The following PPP2R5C variants were observed in gnomAD, a reference collection of about 807,000 sequenced individuals.
The protein encoded by PPP2R5C is serine/threonine-protein phosphatase 2A 56 kDa regulatory subunit gamma isoform.
Under a neutral mutation model 68.9 loss-of-function variants are expected in PPP2R5C, and 7 were observed. That is an observed-to-expected ratio of 0.10 (90% confidence interval 0.06 to 0.19). The LOEUF (loss-of-function observed/expected upper bound fraction) is 0.19. Ranked by LOEUF, PPP2R5C falls within the 10% of genes least tolerant of loss-of-function variation. The pLI is 1.00. For synonymous variants in PPP2R5C, 210 were observed against 222.2 expected (o/e 0.95, Z 0.49); for missense variants, 348 against 641.3 (o/e 0.54, Z 4.94).
intron 3 of PPP2R5C, among the ~76,000 whole-genome samples, chr14:101,793,334 A>C (rs1268187585): frequency 6.6e-6 from 1 of 152,212 alleles, no homozygotes; most frequent in African/African-American, 2.4e-5. Context: ...TGAATCGTAC[A>C]TTCATATTGA....
chr14:101,870,417 A>G (rs2043329005), intron 2 of PPP2R5C, among the ~76,000 whole-genome samples: 1 of 152,168 alleles, frequency 6.6e-6, no homozygotes, highest in African/African-American at 2.4e-5. Flanking sequence ...GAAAAGACTG[A>G]TGAATATCCA....
At chr14:101,761,469 G>T (rs909754051), upstream of PPP2R5C, among the ~76,000 whole-genome samples, 4 of 149,588 alleles carry the variant, frequency 2.7e-5, no homozygotes, top group African/African-American at 1.0e-4. Flanking sequence ...GACGGAGGGC[G>T]GGGGCGTGAA....
rs528419070 is a variant in PPP2R5C at position 101,800,935 on chromosome 14, C to G, written c.259+14752C>G. Among the ~76,000 whole-genome samples the G allele has an allele frequency of 2.0e-5, 3 of 152,184 alleles. No homozygotes were observed. The South Asian group carries it at 6.2e-4, about 32-fold the overall frequency. The stretch of plus-strand genomic sequence containing the variant: ...TCATTTGCAGCAACATGGATGGAAC[C>G]AGAGGTGATTGTGTTACGTGAAATA... On this transcript the variant is annotated intron_variant, in intron 3 of 14. Coordinates refer to the PPP2R5C transcript ENST00000328724.
intron 3 of PPP2R5C, among the ~76,000 whole-genome samples, chr14:101,804,258 G>A (rs1445648199): frequency 6.6e-6 from 1 of 152,140 alleles, no homozygotes; most frequent in African/African-American, 2.4e-5. Context: ...GGGAACCCTC[G>A]TACACTGTTG....
At chr14:101,764,038 C>T (rs534434991) in intron 2 of PPP2R5C, among the ~76,000 whole-genome samples, 75 of 152,048 alleles carry the variant, frequency 4.9e-4, no homozygotes, top group African/African-American at 1.6e-3. Context: ...TGGGCGCGCG[C>T]ACTTGCGCGT....
rs539721744 is a variant in PPP2R5C, at chr14:101,835,127, A to G, written c.95-21559A>G. 2.0e-5 allele frequency among the ~76,000 whole-genome samples: 3 copies of G among 152,108 alleles called. No individual in the cohort carries two copies. The highest frequency in any genetic ancestry group is 4.4e-5 in the Non-Finnish European group (3 of 68,026). On this transcript the variant is annotated intron_variant, in intron 1 of 13. Coordinates refer to ENST00000334743, the Ensembl canonical transcript of PPP2R5C. The surrounding 1 kb of genome is among the most constrained non-coding windows in gnomAD (Gnocchi z 5.0). ...CTGATTCCAGCACAGCCGACTGTCC[A>G]GCAACCCCAGAATTGGTAGGCTGGA...
intron 1 of PPP2R5C, among the ~76,000 whole-genome samples, chr14:101,837,843 G>A (rs117636147): frequency 0.014 from 2,184 of 152,298 alleles, 137 homozygotes; most frequent in East Asian, 0.13. Flanking sequence ...AGGAGGTGCT[G>A]TCCTCATCCG....
intron 1 of PPP2R5C, among the ~76,000 whole-genome samples, chr14:101,852,452 T>C (rs1252370512): frequency 6.6e-6 from 1 of 151,476 alleles, no homozygotes; most frequent in Non-Finnish European, 1.5e-5. Context: ...TTTTTTCTTT[T>C]TTTTCATTTT....
intron 2 of PPP2R5C, among the ~76,000 whole-genome samples, chr14:101,864,768 G>A (rs758180279): frequency 1.7e-4 from 26 of 152,154 alleles, no homozygotes; most frequent in Non-Finnish European, 2.6e-4. Flanking sequence ...TGGAGCTCCC[G>A]ATTGGGTGGG....
rs1212056622 is a variant in PPP2R5C at position 101,915,957 on chromosome 14, C to T, written c.1327-1874C>T. On this transcript the variant is annotated intron_variant, in intron 12 of 13. Coordinates refer to ENST00000334743, the Ensembl canonical transcript of PPP2R5C. This position sits in a 1 kb window ranked among gnomAD's most constrained non-coding sequence, Gnocchi z 4.2. ...ACCCAGTCAGACTTGAGGGAAGGTGCCCGCGGCAGAGGTAGAGAAAAGCAG... is the reference window on the plus strand; with the variant it reads ...ACCCAGTCAGACTTGAGGGAAGGTGTCCGCGGCAGAGGTAGAGAAAAGCAG... Among the ~76,000 whole-genome samples, 1 of 152,074 alleles carries T rather than the reference C, an allele frequency of 6.6e-6. No individual in the cohort carries two copies. Among genetic ancestry groups the T allele is most frequent in the Non-Finnish European group, 1.5e-5 (1 of 68,030 alleles).
chr14:101,884,695 T>C (rs923640468), intron 5 of PPP2R5C, among the ~76,000 whole-genome samples: 8 of 152,194 alleles, frequency 5.3e-5, no homozygotes, highest in Non-Finnish European at 1.0e-4. Context: ...ACGCCAGGGC[T>C]CTGTAGCCAG....
chr14:101,882,511 C>T lies in PPP2R5C; in HGVS notation c.405+240C>T. 1 of 370,036 alleles carries T rather than the reference C, an allele frequency of 2.7e-6. No individual in the cohort carries two copies. The highest frequency in any genetic ancestry group is 4.9e-6 in the Non-Finnish European group (1 of 205,972). 22.9% of individuals were successfully genotyped at this position (370,036 alleles called of 1,614,324 possible). A position where few individuals can be genotyped will look rare whatever the true frequency, so the allele number is the denominator to read the frequency against. On this transcript the variant is annotated intron_variant, in intron 3 of 13. Transcript: ENST00000334743. The surrounding 1 kb of genome is among the most constrained non-coding windows in gnomAD (Gnocchi z 4.9). ...GTGAGTATGTTCTCAGTGAAGATGG[C>T]CGCTGTGTTGATGGCCGTTGAATTG...
intron 1 of PPP2R5C, among the ~76,000 whole-genome samples, chr14:101,816,577 A>T (rs1337256457): frequency 6.6e-6 from 1 of 152,084 alleles, no homozygotes; most frequent in Non-Finnish European, 1.5e-5. Context: ...GTGCAGAATG[A>T]TGTTGGATGT....
intron 8 of PPP2R5C, among the ~76,000 whole-genome samples, 168 bp downstream of exon 10, chr14:101,894,728 G>C (rs543294351): frequency 6.6e-6 from 1 of 152,176 alleles, no homozygotes; most frequent in Non-Finnish European, 1.5e-5. Context: ...TCAAAGTATA[G>C]TCATTTTAAT....
upstream of PPP2R5C, chr14:101,809,858 T>C: frequency 1.3e-6 from 2 of 1,541,330 alleles, no homozygotes; most frequent in South Asian, 1.2e-5. Flanking sequence ...TGCAGAGAGC[T>C]TCAGTTTGTC....
intron 2 of PPP2R5C, among the ~76,000 whole-genome samples, chr14:101,770,078 T>TA (rs1268370073): frequency 6.6e-6 from 1 of 152,186 alleles, no homozygotes; most frequent in East Asian, 1.9e-4. Context: ...AAAGATACCA[T>TA]AAAAATATGG....
At chr14:101,865,698 G>A (rs1290829730) in intron 2 of PPP2R5C, among the ~76,000 whole-genome samples, 1 of 152,200 alleles carries the variant, frequency 6.6e-6, no homozygotes, top group Non-Finnish European at 1.5e-5. Context: ...GCCTCACAGA[G>A]CAGCTAGGAT....
At chr14:101,858,975 C>G (rs958058913) in intron 2 of PPP2R5C, among the ~76,000 whole-genome samples, 1 of 152,268 alleles carries the variant, frequency 6.6e-6, no homozygotes, top group Non-Finnish European at 1.5e-5. Flanking sequence ...TCATCATTGC[C>G]TCTCCTCTCC....
chr14:101,823,894 T>A, intron 1 of PPP2R5C: 1 of 1,269,966 alleles, frequency 7.9e-7, no homozygotes, highest in Non-Finnish European at 1.0e-6. Flanking sequence ...TAGTTGATCT[T>A]ATGGTGTCAT....
Sources: allele counts gnomAD v4.1 joint callset (sites outside exome capture counted in the v4.1 genomes callset), GRCh38; gene constraint gnomAD v4.1.1; non-coding constraint Gnocchi (gnomAD v3.1); transcripts MANE v1.5; gene names NCBI Gene and HGNC (gene_info 2026-07-23, HGNC 2026-07-21).